Variants in RPS6KA5 observed in about 807,000 individuals in gnomAD.
RPS6KA5 encodes the protein ribosomal protein S6 kinase alpha-5.
Under a neutral mutation model 85.5 loss-of-function variants are expected in RPS6KA5, and 27 were observed. The observed-to-expected ratio is 0.32, with a 90% CI of 0.23 to 0.44. The LOEUF (loss-of-function observed/expected upper bound fraction) is 0.44, where lower values mean the gene tolerates loss of function less well. Among genes scored for constraint, RPS6KA5 ranks in the 20% least tolerant of loss-of-function variants. RPS6KA5 has a pLI of 1.00. For synonymous variants in RPS6KA5, 334 were observed against 348.2 expected (o/e 0.96, Z 0.46); for missense variants, 811 against 980.9 (o/e 0.83, Z 2.31).
intron 14 of RPS6KA5, among the ~76,000 whole-genome samples, chr14:90,884,827 T>A (rs2034081360): frequency 6.6e-6 from 1 of 152,218 alleles, no homozygotes; most frequent in Non-Finnish European, 1.5e-5. Flanking sequence ...TTCTGTTGGA[T>A]ATATTCCTGA....
intron 1 of RPS6KA5, among the ~76,000 whole-genome samples, chr14:91,019,213 G>A (rs1456696664): frequency 6.6e-6 from 1 of 152,120 alleles, no homozygotes; most frequent in Non-Finnish European, 1.5e-5. Context: ...TGGGCCATGA[G>A]GTACCCAGAT....
chr14:90,995,867 C>T (rs1186003364), intron 2 of RPS6KA5, among the ~76,000 whole-genome samples: 1 of 152,072 alleles, frequency 6.6e-6, no homozygotes, highest in East Asian at 1.9e-4. Context: ...ATTACTTGGG[C>T]CCAGGAGTTT....
chr14:91,015,418 C>T (rs560935160), intron 1 of RPS6KA5, among the ~76,000 whole-genome samples: 1 of 152,194 alleles, frequency 6.6e-6, no homozygotes, highest in East Asian at 1.9e-4. Context: ...AACATTCCAG[C>T]TTCCAAAGTG....
intron 1 of RPS6KA5, among the ~76,000 whole-genome samples, chr14:91,026,397 A>T (rs909646932): frequency 4.0e-5 from 6 of 149,624 alleles, no homozygotes; most frequent in Admixed American, 2.0e-4. Context: ...TACCTAGCTA[A>T]TTTTTTTTTT....
chr14:90,932,842 G>C lies in RPS6KA5; in HGVS notation c.619-9646C>G, dbSNP rs143868814. Among the ~76,000 whole-genome samples, 185 of 152,224 alleles carry C rather than the reference G, an allele frequency of 1.2e-3. No individual in the cohort carries two copies. The East Asian group carries it at 0.014, about 11-fold the overall frequency. ...ATTATTATAGGAGATAGATATCTGG[G>C]TTTGGGTGGTAGATATCAGTGTATC... On this transcript the variant is annotated intron_variant, in intron 5 of 16. Transcript: ENST00000614987.
intron 13 of RPS6KA5, among the ~76,000 whole-genome samples, chr14:90,891,341 C>T (rs1414184247): frequency 6.6e-6 from 1 of 151,488 alleles, no homozygotes; most frequent in Non-Finnish European, 1.5e-5. Context: ...TTTTCTCCAA[C>T]AGCTAATACT....
chr14:90,996,205 GTTTTTTT>G (rs570686742), intron 2 of RPS6KA5, among the ~76,000 whole-genome samples: 1 of 138,402 alleles, frequency 7.2e-6, no homozygotes, highest in Non-Finnish European at 1.6e-5. Flanking sequence ...TTTTTTTTTT[GTTTTTTT>G]TTTCAGTAGA....
intron 3 of RPS6KA5, among the ~76,000 whole-genome samples, chr14:90,970,653 A>C (rs1266511720): frequency 6.6e-6 from 1 of 152,240 alleles, no homozygotes; most frequent in Non-Finnish European, 1.5e-5. Flanking sequence ...AATTATTTTT[A>C]CAGATTATTT....
In RPS6KA5 at chr14:91,006,244, C is replaced by T. The variant is rs2041014090; in HGVS notation, c.104-5085G>A. ...TCTTTGGTTTTTTTGCCTCAAATTT[C>T]TTCCATGGCCTGACAGATTGGCCAT... is the stretch of plus-strand genomic sequence containing the variant. On this transcript the variant is annotated intron_variant, in intron 1 of 16. Coordinates refer to ENST00000614987, the MANE Select transcript of RPS6KA5 (RefSeq NM_004755.4). Among the ~76,000 whole-genome samples, 5 of 152,276 alleles carry T rather than the reference C, an allele frequency of 3.3e-5. No individual in the cohort carries two copies. In the South Asian group the frequency reaches 1.0e-3, roughly 32 times the overall value.
chr14:90,859,549 T>C lies in RPS6KA5; in HGVS notation c.*12525A>G, dbSNP rs533524252. On this transcript the variant is annotated 3_prime_UTR_variant, in exon 17 of 17. Coordinates refer to ENST00000614987, the MANE Select transcript of RPS6KA5 (RefSeq NM_004755.4). ...ATATTTTAGAATCCAAAATATAAGA[T>C]ATACAACTAAATTTAAAATTGATTA... 1 of 152,286 alleles carries C rather than the reference T, an allele frequency of 6.6e-6. No individual in the cohort carries two copies. The highest frequency in any genetic ancestry group is 1.9e-4 in the East Asian group (1 of 5,190). The allele number at this position is 152,286 out of a possible 1,614,324, so 9.4% of individuals were successfully genotyped here.
intron 1 of RPS6KA5, among the ~76,000 whole-genome samples, chr14:91,039,082 C>T (rs1010617133): frequency 1.1e-4 from 16 of 152,150 alleles, no homozygotes; most frequent in African/African-American, 3.9e-4. Flanking sequence ...CCACCATCCC[C>T]ATACCATTCA....
At chr14:91,020,376 G>C (rs796634155) in intron 1 of RPS6KA5, among the ~76,000 whole-genome samples, 3 of 152,174 alleles carry the variant, frequency 2.0e-5, no homozygotes, top group African/African-American at 7.2e-5. Context: ...CATTGTATTA[G>C]GTATTTAAAG....
chr14:90,931,734 CA>C (rs1484318469), intron 5 of RPS6KA5, among the ~76,000 whole-genome samples: 7 of 151,928 alleles, frequency 4.6e-5, no homozygotes, highest in Non-Finnish European at 8.8e-5. Context: ...TCAATAACAT[CA>C]GGGGAAAAAA....
intron 2 of RPS6KA5, among the ~76,000 whole-genome samples, chr14:90,986,800 CTT>C (rs1366684182): frequency 6.6e-6 from 1 of 152,208 alleles, no homozygotes; most frequent in Non-Finnish European, 1.5e-5. Flanking sequence ...AGGCCTGCCT[CTT>C]TGCTCTTGCT....
rs1417426527 is a variant in RPS6KA5 at position 90,862,109 on chromosome 14, C to T, written c.*9965G>A. 1 of 152,076 alleles carries T rather than the reference C, an allele frequency of 6.6e-6. No individual in the cohort carries two copies. Among genetic ancestry groups the T allele is most frequent in the African/African-American group, 2.4e-5 (1 of 41,400 alleles). 9.4% of individuals were successfully genotyped at this position (152,076 alleles called of 1,614,324 possible). A position where few individuals can be genotyped will look rare whatever the true frequency, so the allele number is the denominator to read the frequency against. ...TGGTTTATCAAAAGAAGACACAATA[C>T]AGGAACCAAGAGGATATAGGACAAA... On this transcript the variant is annotated 3_prime_UTR_variant, in exon 17 of 17. Coordinates refer to ENST00000614987, the MANE Select transcript of RPS6KA5 (RefSeq NM_004755.4).
chr14:90,925,305 C>A, intron 5 of RPS6KA5, among the ~76,000 whole-genome samples: 1 of 152,282 alleles, frequency 6.6e-6, no homozygotes, highest in East Asian at 1.9e-4. Flanking sequence ...GCTAGAATTA[C>A]CACTCTTATA....
At chr14:91,046,851 C>A (rs941984912) in intron 1 of RPS6KA5, among the ~76,000 whole-genome samples, 1 of 151,838 alleles carries the variant, frequency 6.6e-6, no homozygotes, top group Non-Finnish European at 1.5e-5. Context: ...ATAAAAATAG[C>A]ATGAACACCA....
At chr14:90,966,561 C>T (rs543935389) in intron 3 of RPS6KA5, among the ~76,000 whole-genome samples, 3 of 152,246 alleles carry the variant, frequency 2.0e-5, no homozygotes, top group South Asian at 2.1e-4. Flanking sequence ...AGTGTACCAA[C>T]GGAGTCATAC....
intron 1 of RPS6KA5, chr14:91,059,928 G>C: frequency 1.6e-6 from 1 of 633,638 alleles, no homozygotes; most frequent in Non-Finnish European, 2.0e-6. Context: ...GGCGGAGGAG[G>C]GAGACACTCT....
Sources: gnomAD v4.1 joint callset for allele counts (sites outside exome capture counted in the v4.1 genomes callset) on GRCh38, gnomAD v4.1.1 for gene constraint, MANE v1.5 for transcripts, NCBI Gene and HGNC (gene_info 2026-07-23, HGNC 2026-07-21) for gene names.